ZFHX3: variants seen among roughly 807,000 people sequenced by gnomAD.
ZFHX3 encodes the protein zinc finger homeobox protein 3.
Under a neutral mutation model 279.1 loss-of-function variants are expected in ZFHX3, and 42 were observed. The observed-to-expected ratio is 0.15, with a 90% CI of 0.12 to 0.19. The LOEUF (loss-of-function observed/expected upper bound fraction) is 0.19. ZFHX3 is among the 10% of genes least tolerant of loss of function. The pLI is 1.00. For synonymous variants in ZFHX3, 2,293 were observed against 1,957.8 expected, an observed-to-expected ratio of 1.17 and a Z score of -4.52; for missense variants, 4,981 against 4,754.0, an observed-to-expected ratio of 1.05 and a Z score of -1.40.
chr16:73,018,019 T>C (rs1462138100), intron 1 of ZFHX3, among the ~76,000 whole-genome samples: 1 of 151,076 alleles, frequency 6.6e-6, no homozygotes, highest in Non-Finnish European at 1.5e-5. Context: ...AGGGTCTTGC[T>C]CTGTCACCCA....
intron 2 of ZFHX3, among the ~76,000 whole-genome samples, chr16:73,562,842 A>G (rs1267931794): frequency 6.6e-6 from 1 of 152,338 alleles, no homozygotes; most frequent in East Asian, 1.9e-4. Context: ...AATACAAACC[A>G]TGCTATCAAG....
chr16:73,054,250 G>A (rs1965503644), intron 1 of ZFHX3, among the ~76,000 whole-genome samples: 1 of 152,094 alleles, frequency 6.6e-6, no homozygotes, highest in South Asian at 2.1e-4. Flanking sequence ...TTTTAATGCT[G>A]CCAAGGATTC....
chr16:73,185,819 C>G (rs138588718), intron 5 of ZFHX3, among the ~76,000 whole-genome samples: 1 of 152,092 alleles, frequency 6.6e-6, no homozygotes, highest in Non-Finnish European at 1.5e-5. Flanking sequence ...CCCCGGGCCA[C>G]GGACCAGTAC....
At chr16:72,816,485 C>T (rs573154857) in intron 5 of ZFHX3, among the ~76,000 whole-genome samples, 1 of 152,318 alleles carries the variant, frequency 6.6e-6, no homozygotes, top group East Asian at 1.9e-4. Flanking sequence ...AACTCCTACT[C>T]AAACTTAACA....
intron 1 of ZFHX3, among the ~76,000 whole-genome samples, chr16:72,979,011 C>T (rs1319060316): frequency 6.6e-6 from 1 of 152,160 alleles, no homozygotes; most frequent in African/African-American, 2.4e-5. Flanking sequence ...AAGGAGAGAA[C>T]CAGTTGGTAC....
At chr16:73,021,693 T>C (rs1964303980) in intron 1 of ZFHX3, among the ~76,000 whole-genome samples, 1 of 151,936 alleles carries the variant, frequency 6.6e-6, no homozygotes, top group Admixed American at 6.6e-5. Flanking sequence ...TAGCCAGGTG[T>C]GGTGGCGGGC....
intron 5 of ZFHX3, chr16:73,256,912 T>C (rs1255663067): frequency 1.3e-5 from 2 of 152,122 alleles, no homozygotes; most frequent in East Asian, 1.9e-4. Context: ...AAATGCATTA[T>C]AATGATACTA....
At chr16:73,348,089 C>A (rs2016154726) in intron 3 of ZFHX3, among the ~76,000 whole-genome samples, 1 of 152,138 alleles carries the variant, frequency 6.6e-6, no homozygotes. Flanking sequence ...ATAAACAAGG[C>A]CTCTCCATCT....
At chr16:72,878,197 CAAAAACAA>C (rs796568634) in intron 4 of ZFHX3, among the ~76,000 whole-genome samples, 184 of 152,130 alleles carry the variant, frequency 1.2e-3, no homozygotes, top group African/African-American at 4.4e-3. Flanking sequence ...AAAACAAAAA[CAAAAACAA>C]AAAAACAAAA....
At chr16:73,494,948 G>GA (rs11462874) in intron 2 of ZFHX3, among the ~76,000 whole-genome samples, 9,867 of 151,980 alleles carry the variant, frequency 0.065, 545 homozygotes, top group African/African-American at 0.15. Flanking sequence ...AAACCAGAAA[G>GA]AAAAAAATGA....
intron 5 of ZFHX3, among the ~76,000 whole-genome samples, chr16:73,184,842 T>G (rs1262709685): frequency 1.3e-5 from 2 of 152,264 alleles, no homozygotes; most frequent in African/African-American, 2.4e-5. Flanking sequence ...AATTTCAATT[T>G]TGACCTGAAA....
At chr16:73,112,550 T>TA (rs1290553607) in intron 7 of ZFHX3, among the ~76,000 whole-genome samples, 4 of 151,274 alleles carry the variant, frequency 2.6e-5, no homozygotes, top group Non-Finnish European at 5.9e-5. Flanking sequence ...CTGTCTCTAC[T>TA]AAAAATACAA....
At chr16:73,485,325 T>C (rs1317628609) in intron 2 of ZFHX3, among the ~76,000 whole-genome samples, 1 of 151,806 alleles carries the variant, frequency 6.6e-6, no homozygotes, top group Non-Finnish European at 1.5e-5. Flanking sequence ...AAGGGAATAC[T>C]GGCCCCCATT....
chr16:73,836,880 T>A (rs1466353533), intron 1 of ZFHX3, among the ~76,000 whole-genome samples: 1 of 152,182 alleles, frequency 6.6e-6, no homozygotes, highest in African/African-American at 2.4e-5. Context: ...GAGAGTGGGT[T>A]GTTATAAAGT....
At chr16:72,967,926 T>A (rs1484674104) in intron 1 of ZFHX3, among the ~76,000 whole-genome samples, 9 of 131,726 alleles carry the variant, frequency 6.8e-5, no homozygotes, top group South Asian at 2.6e-4. Flanking sequence ...AGACCCCATC[T>A]AAAAAAAAAA....
intron 4 of ZFHX3, among the ~76,000 whole-genome samples, chr16:73,277,871 G>A (rs533825452): frequency 5.3e-5 from 8 of 152,280 alleles, no homozygotes; most frequent in African/African-American, 1.9e-4. Flanking sequence ...GGCAAAGTGG[G>A]AGCAAGGTGT....
At chr16:73,170,317 A>C (rs1597200174) in intron 5 of ZFHX3, among the ~76,000 whole-genome samples, 1 of 125,172 alleles carries the variant, frequency 8.0e-6, no homozygotes, top group Admixed American at 1.1e-4. Context: ...TGCAACCTCC[A>C]CCTCCCGGGT....
intron 2 of ZFHX3, among the ~76,000 whole-genome samples, chr16:73,675,719 C>T (rs549162872): frequency 1.3e-5 from 2 of 152,122 alleles, no homozygotes; most frequent in South Asian, 2.1e-4. Flanking sequence ...TGACCATTAT[C>T]AAGGCAAACT....
At chr16:73,821,267 T>A (rs1684294608) in intron 1 of ZFHX3, among the ~76,000 whole-genome samples, 1 of 152,208 alleles carries the variant, frequency 6.6e-6, no homozygotes, top group Non-Finnish European at 1.5e-5. Context: ...CTGTTGTTCT[T>A]CCCCATGGAC....
Sources: allele counts gnomAD v4.1 joint callset (sites outside exome capture counted in the v4.1 genomes callset), GRCh38; gene constraint gnomAD v4.1.1; transcripts MANE v1.5; gene names NCBI Gene and HGNC (gene_info 2026-07-23, HGNC 2026-07-21).